MITF: variants seen among roughly 807,000 people sequenced by gnomAD.
The protein encoded by MITF is melanocyte inducing transcription factor.
A neutral mutation model predicts 60.5 loss-of-function variants in MITF; 17 were observed. The observed-to-expected ratio is 0.28, with a 90% confidence interval of 0.19 to 0.42. MITF has a LOEUF of 0.42. Ranked by LOEUF, MITF falls within the 10% of genes least tolerant of loss-of-function variation. MITF has a pLI of 1.00. For synonymous variants in MITF, 260 were observed against 248.5 expected (o/e 1.05, Z -0.43); for missense variants, 622 against 683.5 (o/e 0.91, Z 1.00).
intron 1 of MITF, among the ~76,000 whole-genome samples, chr3:69,767,867 G>C (rs529383935): frequency 6.6e-6 from 1 of 152,162 alleles, no homozygotes; most frequent in East Asian, 1.9e-4. Flanking sequence ...TGTGAGGAAC[G>C]ATGATACACA....
intron 1 of MITF, among the ~76,000 whole-genome samples, chr3:69,816,861 A>G (rs929612396): frequency 2.6e-5 from 4 of 152,202 alleles, no homozygotes; most frequent in Non-Finnish European, 4.4e-5. Flanking sequence ...TATTTTCACT[A>G]TAAGTGAGGA....
chr3:69,856,152 G>A (rs576573706), intron 1 of MITF, among the ~76,000 whole-genome samples: 3 of 152,094 alleles, frequency 2.0e-5, no homozygotes, highest in African/African-American at 4.8e-5. Flanking sequence ...CTCTATCGGG[G>A]CTGTGTTTAA....
In MITF at chr3:69,825,932, C is replaced by A. The variant is rs116801804; in HGVS notation, c.105-53202C>A. On this transcript the variant is annotated intron_variant, in intron 1 of 9. Coordinates refer to ENST00000352241, the MANE Select transcript of MITF (RefSeq NM_001354604.2). ...CTTTATATTTATATATTAAGATTTA[C>A]AAAACTTGGAAAAATATGATATATA... Among the ~76,000 whole-genome samples, 1,241 of 152,088 alleles carry A rather than the reference C, an allele frequency of 8.2e-3. 19 individuals carry two copies. The highest frequency in any genetic ancestry group is 0.028 in the African/African-American group (1,182 of 41,486).
intron 1 of MITF, among the ~76,000 whole-genome samples, chr3:69,792,329 T>C (rs965703666): frequency 3.3e-5 from 5 of 152,188 alleles, no homozygotes; most frequent in African/African-American, 1.2e-4. Context: ...CTGGTAAAAA[T>C]AGGAACAACA....
At chr3:69,806,040 A>G (rs1301391176) in intron 1 of MITF, among the ~76,000 whole-genome samples, 3 of 151,760 alleles carry the variant, frequency 2.0e-5, no homozygotes, top group Admixed American at 6.6e-5. Flanking sequence ...GTGAAAATCT[A>G]CTTTGCAAAG....
In MITF at chr3:69,782,239, T is replaced by C. The variant is rs114328503; in HGVS notation, c.104+42538T>C. ...CTTTTTAAATAAGGCATGAGCCATTTTGAATTACTTGTTTGGCCCCCTGAC... is the reference window on the plus strand; with the variant it reads ...CTTTTTAAATAAGGCATGAGCCATTCTGAATTACTTGTTTGGCCCCCTGAC... On this transcript the variant is annotated intron_variant, in intron 1 of 9. Coordinates refer to ENST00000352241, the MANE Select transcript of MITF (RefSeq NM_001354604.2). Among the ~76,000 whole-genome samples the C allele has an allele frequency of 9.8e-3, 1,489 of 152,328 alleles. 20 individuals carry two copies. The highest frequency in any genetic ancestry group is 0.034 in the African/African-American group (1,403 of 41,574).
At chr3:69,862,992 CTG>C (rs112179482) in intron 1 of MITF, among the ~76,000 whole-genome samples, 26 of 149,854 alleles carry the variant, frequency 1.7e-4, no homozygotes, top group Non-Finnish European at 1.5e-4. Context: ...CTCTTTCCCT[CTG>C]TGTGTGTGTG....
chr3:69,752,516 C>T (rs1160996163), intron 1 of MITF: 1 of 152,106 alleles, frequency 6.6e-6, no homozygotes, highest in Non-Finnish European at 1.5e-5. Flanking sequence ...TGTGTCCCTG[C>T]CATAGGGATC....
intron 1 of MITF, among the ~76,000 whole-genome samples, chr3:69,760,033 A>G (rs944131367): frequency 3.9e-5 from 6 of 152,172 alleles, no homozygotes; most frequent in African/African-American, 1.4e-4. Flanking sequence ...CCGCCTTGGC[A>G]TCACAAAGTG....
intron 2 of MITF, among the ~76,000 whole-genome samples, chr3:69,881,643 GTT>G (rs72430802): frequency 6.7e-5 from 10 of 148,266 alleles, no homozygotes; most frequent in Non-Finnish European, 7.5e-5. Context: ...GAGAAAGGTG[GTT>G]TTTTTTTTCT....
At chr3:69,958,365 C>A (rs2066452377) in intron 8 of MITF, among the ~76,000 whole-genome samples, 1 of 152,046 alleles carries the variant, frequency 6.6e-6, no homozygotes, top group Admixed American at 6.6e-5. Context: ...GTGTTCAGAC[C>A]CCAGGGATCA....
chr3:69,858,421 T>C (rs774156535), intron 1 of MITF, among the ~76,000 whole-genome samples: 1 of 152,140 alleles, frequency 6.6e-6, no homozygotes, highest in Non-Finnish European at 1.5e-5. Flanking sequence ...GTTTGAGAAA[T>C]TTGACTGTTA....
intron 1 of MITF, among the ~76,000 whole-genome samples, chr3:69,783,767 T>G (rs189708286): frequency 6.6e-6 from 1 of 152,308 alleles, no homozygotes; most frequent in East Asian, 1.9e-4. Context: ...AAGAGTTACC[T>G]GTGTCAGGGT....
rs1343637818 is a variant in MITF, at chr3:69,965,747, A to T, written c.*499A>T. On this transcript the variant is annotated 3_prime_UTR_variant, in exon 10 of 10. Coordinates refer to ENST00000352241, the MANE Select transcript of MITF (RefSeq NM_001354604.2). ...TTCATTGGTACTGCCTTAAAGATAC[A>T]GTACCCCTCTAGCTTTGTTTAGTCT... 8 of 236,008 alleles carry T rather than the reference A, an allele frequency of 3.4e-5. No homozygotes were observed. The highest frequency in any genetic ancestry group is 6.7e-5 in the Non-Finnish European group (8 of 119,568). The allele number at this position is 236,008 out of a possible 1,614,324, so 14.6% of individuals were successfully genotyped here.
chr3:69,809,521 T>G (rs1184325819), intron 1 of MITF, among the ~76,000 whole-genome samples: 2 of 152,124 alleles, frequency 1.3e-5, no homozygotes, highest in African/African-American at 4.8e-5. Flanking sequence ...AATTCTTTTA[T>G]AAGGCTGTTG....
At chr3:69,809,825 G>A (rs55890624) in intron 1 of MITF, among the ~76,000 whole-genome samples, 24,341 of 151,918 alleles carry the variant, frequency 0.16, 2,160 homozygotes, top group South Asian at 0.21. Context: ...CTAAATTTCT[G>A]AAGATAATAC....
intron 2 of MITF, among the ~76,000 whole-genome samples, chr3:69,921,964 T>A (rs566223889): frequency 2.2e-4 from 34 of 152,302 alleles, no homozygotes; most frequent in Admixed American, 1.9e-3. Context: ...CCTCACATAG[T>A]TATGACAACC....
chr3:69,843,041 G>A (rs1330776889), intron 1 of MITF, among the ~76,000 whole-genome samples: 1 of 152,156 alleles, frequency 6.6e-6, no homozygotes, highest in African/African-American at 2.4e-5. Flanking sequence ...GTCCAGTAAA[G>A]CAAATGGCCT....
chr3:69,792,538 T>G (rs1048482501), intron 1 of MITF, among the ~76,000 whole-genome samples: 1 of 152,156 alleles, frequency 6.6e-6, no homozygotes, highest in Non-Finnish European at 1.5e-5. Context: ...CCTACTCTTC[T>G]AAAGAAATCA....
Sources: gnomAD v4.1 joint callset for allele counts (sites outside exome capture counted in the v4.1 genomes callset) on GRCh38, gnomAD v4.1.1 for gene constraint, MANE v1.5 for transcripts, NCBI Gene and HGNC (gene_info 2026-07-23, HGNC 2026-07-21) for gene names.